RFC3: variants seen among roughly 807,000 people sequenced by gnomAD.
RFC3 encodes replication factor C subunit 3.
A neutral mutation model predicts 45.1 loss-of-function variants in RFC3; 41 were observed. The observed-to-expected ratio is 0.91, with a 90% CI of 0.71 to 1.18. RFC3 has a LOEUF of 1.18. Among genes scored for constraint, RFC3 ranks in the 50% most tolerant of loss-of-function variants. The pLI is 0.00. For synonymous variants in RFC3, 149 were observed against 144.0 expected, an observed-to-expected ratio of 1.03 and a Z score of -0.25; for missense variants, 423 against 428.1, an observed-to-expected ratio of 0.99 and a Z score of 0.10.
intron 8 of RFC3, among the ~76,000 whole-genome samples, chr13:33,962,457 T>C (rs917522137): frequency 1.3e-5 from 2 of 152,204 alleles, no homozygotes; most frequent in African/African-American, 2.4e-5. Flanking sequence ...GAATGTTTAC[T>C]AATGGATAAG....
intron 8 of RFC3, among the ~76,000 whole-genome samples, chr13:33,856,101 G>A (rs2137521442): frequency 6.6e-6 from 1 of 152,122 alleles, no homozygotes; most frequent in South Asian, 2.1e-4. Context: ...TATAGCTTTG[G>A]GTTTTACATT....
downstream of RFC3, among the ~76,000 whole-genome samples, chr13:33,840,591 T>C (rs1372535754): frequency 2.9e-5 from 1 of 33,942 alleles, no homozygotes; most frequent in Admixed American, 2.3e-4. Flanking sequence ...TTCTTTTTTT[T>C]GTGTGTGTTT....
chr13:33,931,827 C>A (rs1482147157), intron 8 of RFC3, among the ~76,000 whole-genome samples: 1 of 151,888 alleles, frequency 6.6e-6, no homozygotes, highest in Admixed American at 6.6e-5. Context: ...TTAATGAATT[C>A]TTTTTAACAC....
At chr13:33,908,994 G>T (rs1168677199) in intron 8 of RFC3, among the ~76,000 whole-genome samples, 3 of 152,026 alleles carry the variant, frequency 2.0e-5, no homozygotes, top group African/African-American at 7.2e-5. Flanking sequence ...AAAGCCATCA[G>T]CTTTACATAG....
chr13:33,854,795 A>G (rs1433175689), intron 8 of RFC3, among the ~76,000 whole-genome samples: 1 of 152,122 alleles, frequency 6.6e-6, no homozygotes, highest in Non-Finnish European at 1.5e-5. Flanking sequence ...GATTTTGGGG[A>G]CTGGCTGCTG....
intron 4 of RFC3, among the ~76,000 whole-genome samples, chr13:33,826,481 C>T (rs573141662): frequency 1.3e-5 from 2 of 152,016 alleles, no homozygotes; most frequent in Non-Finnish European, 2.9e-5. Flanking sequence ...GTGTTTTGTT[C>T]TTCTTTAGTG....
chr13:33,898,248 A>G (rs984035009), intron 8 of RFC3, among the ~76,000 whole-genome samples: 2 of 152,040 alleles, frequency 1.3e-5, no homozygotes, highest in African/African-American at 2.4e-5. Context: ...GGAATAAACC[A>G]TATCTTTAAC....
intron 8 of RFC3, among the ~76,000 whole-genome samples, chr13:33,928,579 C>A (rs950619078): frequency 1.3e-5 from 2 of 152,100 alleles, no homozygotes; most frequent in Non-Finnish European, 2.9e-5. Flanking sequence ...TGCCTTATTA[C>A]ATTGATCAGC....
At chr13:33,870,945 G>A (rs1287295791) in intron 8 of RFC3, among the ~76,000 whole-genome samples, 1 of 152,192 alleles carries the variant, frequency 6.6e-6, no homozygotes, top group Non-Finnish European at 1.5e-5. Flanking sequence ...AGGACAAGGA[G>A]GATATTGATT....
intron 8 of RFC3, among the ~76,000 whole-genome samples, chr13:33,936,367 T>C (rs1593704245): frequency 6.6e-6 from 1 of 152,094 alleles, no homozygotes; most frequent in East Asian, 1.9e-4. Context: ...TACTATTTAG[T>C]TATAACCATG....
the RFC3 span, among the ~76,000 whole-genome samples, chr13:33,972,797 G>A: frequency 6.6e-6 from 1 of 152,138 alleles, no homozygotes; most frequent in African/African-American, 2.4e-5. Context: ...ATCTATCACA[G>A]AGTATTAGAT....
At chr13:33,867,806 G>C (rs1241740489) in intron 8 of RFC3, among the ~76,000 whole-genome samples, 1 of 152,188 alleles carries the variant, frequency 6.6e-6, no homozygotes, top group Non-Finnish European at 1.5e-5. Flanking sequence ...ACAACTATCA[G>C]CTACAACCCC....
At chr13:33,954,638 T>A (rs1012165633) in intron 8 of RFC3, among the ~76,000 whole-genome samples, 7 of 152,124 alleles carry the variant, frequency 4.6e-5, no homozygotes, top group Non-Finnish European at 2.9e-5. Flanking sequence ...AGATTAAGGG[T>A]GCTGGCAGAT....
chr13:33,838,983 G>A (rs2183281), downstream of RFC3, among the ~76,000 whole-genome samples: 117,268 of 152,004 alleles, frequency 0.77, 47,585 homozygotes, highest in Non-Finnish European at 0.92. Flanking sequence ...CTGCTCAGTC[G>A]CTTTTATTTT....
At chr13:33,881,370 G>A (rs966327375) in intron 8 of RFC3, among the ~76,000 whole-genome samples, 3 of 152,148 alleles carry the variant, frequency 2.0e-5, no homozygotes, top group Non-Finnish European at 4.4e-5. Context: ...TAAGTCCATG[G>A]CATTGTTGTA....
intron 8 of RFC3, chr13:33,849,945 T>C (rs1000710027): frequency 7.9e-5 from 12 of 152,162 alleles, no homozygotes; most frequent in African/African-American, 2.9e-4. Context: ...GTTTCAACAA[T>C]CAACTGTCTC....
intron 8 of RFC3, among the ~76,000 whole-genome samples, chr13:33,963,097 T>C (rs923497822): frequency 6.6e-6 from 1 of 151,976 alleles, no homozygotes; most frequent in Non-Finnish European, 1.5e-5. Context: ...GTATTACAGG[T>C]TTTTCAATTT....
rs561702500 is a variant in RFC3, at chr13:33,908,719, G to A, written c.880-57368G>A. Among the ~76,000 whole-genome samples the A allele has an allele frequency of 3.1e-3, 475 of 151,976 alleles. 4 individuals carry two copies. Among genetic ancestry groups the A allele is most frequent in the African/African-American group, 0.011 (454 of 41,464 alleles). Reference sequence around the variant, plus strand: ...GTCTCAGAATCTATAGTTTGGGCAAGCTGGATATTCAGAAGTGAAAATGGT... The same window carrying A: ...GTCTCAGAATCTATAGTTTGGGCAAACTGGATATTCAGAAGTGAAAATGGT... On this transcript the variant is annotated intron_variant, in intron 8 of 8. Coordinates refer to the RFC3 transcript ENST00000434425.
At chr13:33,925,692 C>T (rs566267940) in intron 8 of RFC3, among the ~76,000 whole-genome samples, 62 of 148,732 alleles carry the variant, frequency 4.2e-4, no homozygotes, top group Non-Finnish European at 8.8e-4. Flanking sequence ...TGTATATATA[C>T]ACACACACAC....
Sources: allele counts gnomAD v4.1 joint callset (sites outside exome capture counted in the v4.1 genomes callset), GRCh38; gene constraint gnomAD v4.1.1; transcripts MANE v1.5; gene names NCBI Gene and HGNC (gene_info 2026-07-23, HGNC 2026-07-21).